SVEP1: variants seen among roughly 807,000 people sequenced by gnomAD.
The protein encoded by SVEP1 is sushi, von Willebrand factor type A, EGF and pentraxin domain containing 1, also known as sushi, von Willebrand factor type A, EGF and pentraxin domain-containing protein 1.
SVEP1 carries 164 observed loss-of-function variants against 367.3 expected under a neutral mutation model. That is an observed-to-expected ratio of 0.45 (90% confidence interval 0.39 to 0.51). SVEP1 has a LOEUF of 0.51. Ranked by LOEUF, SVEP1 falls within the 20% of genes least tolerant of loss-of-function variation. The pLI, the probability that SVEP1 is intolerant of heterozygous loss-of-function variation, is 0.00. For missense variants in SVEP1, 4,117 were observed against 4,425.3 expected, an observed-to-expected ratio of 0.93 and a Z score of 1.98; for synonymous variants, 1,666 against 1,611.6, an observed-to-expected ratio of 1.03 and a Z score of -0.81.
At chr9:110,396,085 G>A (rs12353353) in intron 40 of SVEP1, among the ~76,000 whole-genome samples, 6 of 151,842 alleles carry the variant, frequency 4.0e-5, no homozygotes, top group East Asian at 1.9e-4. Context: ...CAAAACTGAC[G>A]ACACAGTTGG....
chr9:110,468,647 C>T (rs1828973304), intron 17 of SVEP1, among the ~76,000 whole-genome samples: 1 of 152,216 alleles, frequency 6.6e-6, no homozygotes, highest in South Asian at 2.1e-4. Context: ...ACAAGACTTG[C>T]TAAGCTCCAC....
At chr9:110,374,849 A>G (rs1295531156) in intron 46 of SVEP1, among the ~76,000 whole-genome samples, 2 of 152,194 alleles carry the variant, frequency 1.3e-5, no homozygotes, top group Non-Finnish European at 2.9e-5. Context: ...GATAATAGAA[A>G]TCATTCTACC....
At chr9:110,390,592 A>T (rs1564127737) in intron 40 of SVEP1, among the ~76,000 whole-genome samples, 1 of 151,458 alleles carries the variant, frequency 6.6e-6, no homozygotes, top group East Asian at 1.9e-4. Context: ...AGCAATATAT[A>T]CTCTTTTCTT....
At chr9:110,520,481 A>G (rs939932820) in intron 3 of SVEP1, among the ~76,000 whole-genome samples, 1 of 152,154 alleles carries the variant, frequency 6.6e-6, no homozygotes. Context: ...TTTCAGAAAC[A>G]TCTTGGCGGT....
chr9:110,386,151 G>A lies in SVEP1; in HGVS notation c.10061-77C>T, dbSNP rs1827518820. 17 of 1,480,982 alleles carry A rather than the reference G, an allele frequency of 1.1e-5. No individual in the cohort carries two copies. In the South Asian group the frequency reaches 2.1e-4, roughly 18 times the overall value. The allele number at this position is 1,480,982 out of a possible 1,614,324, so 91.7% of individuals were successfully genotyped here. A position where few individuals can be genotyped will look rare whatever the true frequency, so the allele number is the denominator to read the frequency against. The stretch of plus-strand genomic sequence containing the variant: ...GTATTTCTTTGAAGGTGGAGTAGTA[G>A]TCCTATAAGAGATGGGTTCTCAATA... On this transcript the variant is annotated intron_variant, in intron 42 of 47. Transcript: ENST00000374469.
intron 41 of SVEP1, among the ~76,000 whole-genome samples, chr9:110,388,197 A>G (rs1196654710): frequency 3.3e-5 from 5 of 152,202 alleles, no homozygotes; most frequent in Non-Finnish European, 7.3e-5. Context: ...GGAATAGAAT[A>G]AATGACATTT....
rs774374144 is a variant in SVEP1 at position 110,411,482 on chromosome 9, G to A, written c.6229C>T (p.Arg2077Cys). 7.4e-6 allele frequency: 12 copies of A among 1,613,886 alleles called. No individual in the cohort carries two copies. The highest frequency in any genetic ancestry group is 6.7e-5 in the African/African-American group (5 of 74,934). Residue 2077 changes from arginine (R) to cysteine (C), a missense_variant, in exon 37 of 48, where the codon CGT becomes TGT. Arg to Cys is a radical substitution (Grantham distance 180). Transcript: ENST00000374469. The stretch of plus-strand genomic sequence containing the variant: ...TTTTCACAGAAATGAGCTATACAAC[G>A]GGGCATGTCTTGACCTTCTGGGGGT... Reference protein sequence around the residue: ...WVPPEGQDMPRCIAHFCEKPP... With the variant: ...WVPPEGQDMPCCIAHFCEKPP...
rs189228498 is a variant in SVEP1, at chr9:110,520,246, G to A, written c.965-6140C>T. Among the ~76,000 whole-genome samples, 546 of 152,118 alleles carry A rather than the reference G, an allele frequency of 3.6e-3. 1 individual carries two copies. The highest frequency in any genetic ancestry group is 6.3e-3 in the Non-Finnish European group (427 of 68,000). On this transcript the variant is annotated intron_variant, in intron 3 of 47. Coordinates refer to ENST00000374469, the MANE Select transcript of SVEP1 (RefSeq NM_153366.4). ...GCATTGCACAATTCTAGTGGGAGAG[G>A]TGTAATCAACTTCCTTGATTCCCAA...
intron 1 of SVEP1, 115 bp downstream of exon 1, chr9:110,578,898 A>T: frequency 8.5e-7 from 1 of 1,179,992 alleles, no homozygotes; most frequent in Non-Finnish European, 1.2e-6. Flanking sequence ...GGGACGCTTG[A>T]CTTGGGGTGG....
In SVEP1 at chr9:110,434,472, C is replaced by T; in HGVS notation, c.4923G>A (p.Leu1641=). ...CPRLGGSVPH[L]RTASEDLKPG... The stretch of plus-strand genomic sequence containing the variant: ...GCTTTAAATCTTCAGATGCAGTTCT[C>T]AGATGAGGCACTGACCCTCCTAAGC... Residue 1641 remains leucine, a synonymous_variant, in exon 30 of 48, where the codon CTG becomes CTA. Transcript: ENST00000374469. 6.2e-7 allele frequency: 1 copy of T among 1,613,376 alleles called. No homozygotes were observed. Among genetic ancestry groups the T allele is most frequent in the African/African-American group, 1.3e-5 (1 of 74,916 alleles).
chr9:110,554,727 C>CGTGTGTGTGTGTGT (rs147546940), intron 1 of SVEP1, among the ~76,000 whole-genome samples: 20 of 148,668 alleles, frequency 1.3e-4, no homozygotes, highest in South Asian at 4.3e-4. Flanking sequence ...TATAGATGTG[C>CGTGTGTGTGTGTGT]GTGTGTGTGT....
Position 110,429,182 on chromosome 9 carries a change from T to C in SVEP1, c.5768A>G (p.Tyr1923Cys). The C allele has an allele frequency of 1.3e-6, 2 of 1,598,890 alleles. No individual in the cohort carries two copies. The highest frequency in any genetic ancestry group is 1.7e-6 in the Non-Finnish European group (2 of 1,172,100). Reference sequence around the variant, plus strand: ...GCATGAATATGATGCAGTAGAAAGGTAGGTAAGCCCACTCAAAATATATTT... The same window carrying C: ...GCATGAATATGATGCAGTAGAAAGGCAGGTAAGCCCACTCAAAATATATTT... Reference protein sequence around the residue: ...NGKYILSGLTYLSTASYSCDT... With the variant: ...NGKYILSGLTCLSTASYSCDT... Residue 1923 changes from tyrosine (Y) to cysteine (C), a missense_variant, in exon 35 of 48, where the codon TAC becomes TGC. Tyr to Cys is a radical substitution (Grantham distance 194). Transcript: ENST00000374469.
At chr9:110,409,087 A>T in intron 37 of SVEP1, 136 bp from the exon 38 acceptor site, 1 of 1,037,130 alleles carries the variant, frequency 9.6e-7, no homozygotes, top group Non-Finnish European at 1.3e-6. Context: ...ATAATGATTT[A>T]TGGTTTTTCC....
In SVEP1 at chr9:110,443,653, GCCA is replaced by G. The variant is rs1368953601; in HGVS notation, c.4528_4530del (p.Trp1510del). On this transcript the variant is annotated inframe_deletion, in exon 27 of 48. Transcript: ENST00000374469. ...CTTGTCCAAGTGATTGCAATATGAT[GCCA>G]TCTGCCATCATTCACCGAGGGACAG... is the stretch of plus-strand genomic sequence containing the variant. 1 of 1,612,418 alleles carries G rather than the reference GCCA, an allele frequency of 6.2e-7. No homozygotes were observed. The highest frequency in any genetic ancestry group is 1.7e-5 in the Admixed American group (1 of 59,790).
Position 110,411,400 on chromosome 9 carries a change from G to A in SVEP1, c.6311C>T (p.Ala2104Val), listed in dbSNP as rs1170802709. 6.2e-7 allele frequency: 1 copy of A among 1,614,010 alleles called. No individual in the cohort carries two copies. ...LESVSKAKFAAGSVVSFKCME... is the reference protein window; with the variant it reads ...LESVSKAKFAVGSVVSFKCME... The stretch of plus-strand genomic sequence containing the variant: ...GCATTTAAAGCTCACAACTGAGCCA[G>A]CTGCAAATTTTGCTTTGCTCACAGA... The change falls in exon 37 of 48, where the codon GCT becomes GTT. Residue 2104 changes from alanine (A) to valine (V), a missense_variant. By Grantham distance (64) the Ala-to-Val change is moderately conservative (BLOSUM62 0). Coordinates refer to ENST00000374469, the MANE Select transcript of SVEP1 (RefSeq NM_153366.4).
intron 18 of SVEP1, among the ~76,000 whole-genome samples, chr9:110,459,955 CACTTAG>C (rs948460344): frequency 2.0e-5 from 3 of 151,924 alleles, no homozygotes; most frequent in African/African-American, 7.2e-5. Context: ...TCATTTGACA[CACTTAG>C]ACTAATTATT....
intron 44 of SVEP1, among the ~76,000 whole-genome samples, chr9:110,378,667 C>T (rs1270570184): frequency 6.9e-6 from 1 of 144,686 alleles, no homozygotes; most frequent in Non-Finnish European, 1.5e-5. Context: ...ACATGAAGTC[C>T]TTGCCCATGC....
At chr9:110,487,883 T>C (rs1364703869) in intron 9 of SVEP1, among the ~76,000 whole-genome samples, 1 of 152,224 alleles carries the variant, frequency 6.6e-6, no homozygotes, top group Non-Finnish European at 1.5e-5. Flanking sequence ...GAGATGAACA[T>C]GAACCCAACC....
intron 3 of SVEP1, among the ~76,000 whole-genome samples, chr9:110,545,382 C>T (rs2118841797): frequency 6.6e-6 from 1 of 152,278 alleles, no homozygotes; most frequent in African/African-American, 2.4e-5. Context: ...ACATTCCCAC[C>T]AACAGTGTTT....
Sources: allele counts gnomAD v4.1 joint callset (sites outside exome capture counted in the v4.1 genomes callset), GRCh38; gene constraint gnomAD v4.1.1; transcripts MANE v1.5; gene names NCBI Gene and HGNC (gene_info 2026-07-23, HGNC 2026-07-21).